Variants in COL5A2 observed in about 807,000 individuals in gnomAD.
COL5A2 encodes the protein collagen type V alpha 2 chain.
In COL5A2, 23 loss-of-function variants were observed where a neutral mutation model predicts 208.2. The ratio of observed to expected loss-of-function variants is 0.11; its 90% CI spans 0.08 to 0.16. The LOEUF (loss-of-function observed/expected upper bound fraction) is 0.16. COL5A2 is among the 10% of genes least tolerant of loss of function. The pLI is 1.00. For synonymous variants in COL5A2, 625 were observed against 628.5 expected (o/e 0.99, Z 0.08); for missense variants, 1,590 against 1,956.4 (o/e 0.81, Z 3.53).
chr2:189,204,415 A>G (rs535170489), intron 1 of COL5A2, among the ~76,000 whole-genome samples: 1 of 152,312 alleles, frequency 6.6e-6, no homozygotes, highest in Non-Finnish European at 1.5e-5. Context: ...TCAAAATTTT[A>G]AGGACTTCTT....
chr2:189,181,527 T>C (rs967148042), upstream of COL5A2, among the ~76,000 whole-genome samples: 1 of 152,220 alleles, frequency 6.6e-6, no homozygotes, highest in African/African-American at 2.4e-5. Context: ...TTAACCTTTC[T>C]CTGAGCTTGC....
At chr2:189,359,378 T>C in the COL5A2 span, among the ~76,000 whole-genome samples, 5 of 152,208 alleles carry the variant, frequency 3.3e-5, no homozygotes, top group African/African-American at 9.6e-5. Flanking sequence ...ATCACATTTA[T>C]TGATATGCAC....
chr2:189,358,207 T>A, the COL5A2 span, among the ~76,000 whole-genome samples: 6 of 151,968 alleles, frequency 3.9e-5, no homozygotes, highest in East Asian at 1.2e-3. Flanking sequence ...CTGAATATTT[T>A]AAGCCCATTG....
At chr2:189,425,440 A>G in the COL5A2 span, among the ~76,000 whole-genome samples, 1 of 152,256 alleles carries the variant, frequency 6.6e-6, no homozygotes, top group East Asian at 1.9e-4. Context: ...ATATGGAATC[A>G]ATTTAAGTAT....
At chr2:189,167,318 A>G (rs1339143681) in intron 1 of COL5A2, among the ~76,000 whole-genome samples, 2 of 152,202 alleles carry the variant, frequency 1.3e-5, no homozygotes, top group South Asian at 2.1e-4. Context: ...CTATGCCCCA[A>G]CACAAACACC....
At chr2:189,419,100 GC>G in the COL5A2 span, among the ~76,000 whole-genome samples, 1 of 152,152 alleles carries the variant, frequency 6.6e-6, no homozygotes, top group Non-Finnish European at 1.5e-5. Context: ...ATTCTGAGAA[GC>G]ATCTTCATGC....
chr2:189,241,898 C>A, the COL5A2 span, among the ~76,000 whole-genome samples: 6 of 152,118 alleles, frequency 3.9e-5, no homozygotes, highest in Admixed American at 2.6e-4. Flanking sequence ...CCTACCCAAC[C>A]TTTGCTAATT....
rs1685394113 is a variant in COL5A2 at position 189,034,116 on chromosome 2, G to A, written c.4454C>T (p.Thr1485Ile). ...IDLAPVDVGGTDQEFGVEIGP... is the reference protein window; with the variant it reads ...IDLAPVDVGGIDQEFGVEIGP... ...AATTTCAACGCCGAATTCCTGGTCT[G>A]TGCCGCCAACATCCACAGGAGCAAG... The change falls in exon 54 of 54, where the codon ACA (threonine) becomes ATA (isoleucine). Residue 1485 changes from threonine (T) to isoleucine (I), a missense_variant. Thr to Ile is a moderately conservative substitution (Grantham distance 89, BLOSUM62 -1). Coordinates refer to ENST00000374866, the MANE Select transcript of COL5A2 (RefSeq NM_000393.5). The A allele has an allele frequency of 6.2e-7, 1 of 1,613,856 alleles. No individual in the cohort carries two copies. The highest frequency in any genetic ancestry group is 1.3e-5 in the African/African-American group (1 of 74,898).
chr2:189,432,709 T>C, the COL5A2 span, among the ~76,000 whole-genome samples: 1 of 152,162 alleles, frequency 6.6e-6, no homozygotes, highest in African/African-American at 2.4e-5. Context: ...CAAAGAGACT[T>C]AGACTCCCAC....
At chr2:189,073,449 G>T (rs1686330017) in intron 17 of COL5A2, among the ~76,000 whole-genome samples, 1 of 152,054 alleles carries the variant, frequency 6.6e-6, no homozygotes, top group Admixed American at 6.6e-5. Flanking sequence ...CCACATTGAT[G>T]ACCCTGTGAA....
At chr2:189,147,570 T>C (rs761655564) in intron 1 of COL5A2, among the ~76,000 whole-genome samples, 6 of 152,134 alleles carry the variant, frequency 3.9e-5, no homozygotes, top group East Asian at 1.9e-4. Flanking sequence ...TGCTTGAAGA[T>C]TGAATCACCA....
At chr2:189,064,936 CG>C in intron 24 of COL5A2, 67 bp downstream of exon 24, 1 of 1,453,466 alleles carries the variant, frequency 6.9e-7, no homozygotes, top group East Asian at 2.3e-5. Context: ...GCTAGATCAC[CG>C]TGCTGAAAAA....
At chr2:189,160,699 T>TA (rs1357800430) in intron 1 of COL5A2, among the ~76,000 whole-genome samples, 1 of 152,216 alleles carries the variant, frequency 6.6e-6, no homozygotes, top group African/African-American at 2.4e-5. Context: ...ACTCTAATAA[T>TA]AATGTCTTCC....
chr2:189,403,545 A>T, the COL5A2 span, among the ~76,000 whole-genome samples: 5 of 152,074 alleles, frequency 3.3e-5, no homozygotes, highest in African/African-American at 1.2e-4. Context: ...TATGATATTG[A>T]TTGTGGGTTT....
chr2:189,075,509 T>TA (rs2105622233), intron 16 of COL5A2, 72 bp from the exon 17 acceptor site: 1 of 1,275,508 alleles, frequency 7.8e-7, no homozygotes, highest in Admixed American at 1.8e-5. Context: ...ATTTGCCTTA[T>TA]AAAAAATTTC....
chr2:189,075,484 A>C, intron 16 of COL5A2, 47 bp from the exon 17 acceptor site: 1 of 1,477,210 alleles, frequency 6.8e-7, no homozygotes, highest in Non-Finnish European at 9.4e-7. Flanking sequence ...TACATTTTAG[A>C]CTATATTTTC....
At chr2:189,370,605 A>G in the COL5A2 span, among the ~76,000 whole-genome samples, 2 of 152,116 alleles carry the variant, frequency 1.3e-5, no homozygotes, top group Non-Finnish European at 2.9e-5. Context: ...AAAATGTATA[A>G]CCACATACAA....
chr2:189,305,234 T>C, the COL5A2 span, among the ~76,000 whole-genome samples: 1 of 152,228 alleles, frequency 6.6e-6, no homozygotes, highest in South Asian at 2.1e-4. Context: ...TGGTAGGAAA[T>C]GCGTGGGCCC....
chr2:189,072,176 T>C, intron 17 of COL5A2, 83 bp from the exon 18 acceptor site: 1 of 924,612 alleles, frequency 1.1e-6, no homozygotes, highest in Non-Finnish European at 1.7e-6. Flanking sequence ...TGGCGTCATT[T>C]TGTATTAGAC....
Sources: gnomAD v4.1 joint callset for allele counts (sites outside exome capture counted in the v4.1 genomes callset) on GRCh38, gnomAD v4.1.1 for gene constraint, MANE v1.5 for transcripts, NCBI Gene and HGNC (gene_info 2026-07-23, HGNC 2026-07-21) for gene names.